The following PHEX variants were observed in gnomAD, a reference collection of about 807,000 sequenced individuals.
PHEX encodes phosphate-regulating neutral endopeptidase PHEX.
In PHEX, 16 loss-of-function variants were observed where a neutral mutation model predicts 68.0. The observed-to-expected ratio is 0.24, with a 90% CI of 0.16 to 0.36. The LOEUF (loss-of-function observed/expected upper bound fraction) is 0.36, where lower values mean the gene tolerates loss of function less well. PHEX is among the 10% of genes least tolerant of loss of function. The pLI, the probability that PHEX is intolerant of heterozygous loss-of-function variation, is 1.00. For synonymous variants in PHEX, 208 were observed against 205.1 expected (o/e 1.01, Z -0.12); for missense variants, 480 against 575.5 (o/e 0.83, Z 1.70).
intron 20 of PHEX, among the ~76,000 whole-genome samples, chrX:22,229,004 A>T: frequency 9.0e-6 from 1 of 111,593 alleles, no homozygotes; most frequent in East Asian, 2.8e-4. Flanking sequence ...TTCTTGTGAT[A>T]GTTTGCTGAG....
chrX:22,247,777 C>G, intron 21 of PHEX, 74 bp from the exon 22 acceptor site: 1 of 732,752 alleles, frequency 1.4e-6, no homozygotes, highest in Non-Finnish European at 2.2e-6. Flanking sequence ...TAGCAATATT[C>G]TGCTACAGTT....
chrX:22,147,910 G>T (rs866514827), intron 12 of PHEX, among the ~76,000 whole-genome samples: 1 of 99,363 alleles, frequency 1.0e-5, no homozygotes, highest in Non-Finnish European at 2.0e-5. Context: ...TTTGTGCTAT[G>T]TTTTTTTTTT....
chrX:22,196,356 C>A lies in PHEX; in HGVS notation c.1645+5854C>A, dbSNP rs150704495. ...TCTAGATGTGTAGACCAGGGATTGGCAAACTATTTCTGTAAATTGCCAGAT... is the reference window on the plus strand; with the variant it reads ...TCTAGATGTGTAGACCAGGGATTGGAAAACTATTTCTGTAAATTGCCAGAT... On this transcript the variant is annotated intron_variant, in intron 15 of 21. Coordinates refer to ENST00000379374, the MANE Select transcript of PHEX (RefSeq NM_000444.6). Among the ~76,000 whole-genome samples, 1,077 of 112,192 alleles carry A rather than the reference C, an allele frequency of 9.6e-3. 11 individuals carry two copies. Among genetic ancestry groups the A allele is most frequent in the African/African-American group, 0.033 (1,023 of 30,885 alleles).
At chrX:22,041,265 CTA>C (rs556410356) in intron 2 of PHEX, among the ~76,000 whole-genome samples, 1,481 of 72,681 alleles carry the variant, frequency 0.02, 49 homozygotes, top group African/African-American at 0.079. Context: ...CTCTCTCTCT[CTA>C]TATATATATA....
intron 2 of PHEX, among the ~76,000 whole-genome samples, chrX:22,043,949 A>G (rs1466644795): frequency 1.8e-5 from 2 of 111,496 alleles, no homozygotes; most frequent in Non-Finnish European, 3.8e-5. Flanking sequence ...ATTTGAAGTC[A>G]CAGTTCCCCT....
intron 20 of PHEX, among the ~76,000 whole-genome samples, chrX:22,240,515 T>C (rs192321924): frequency 3.7e-4 from 41 of 109,428 alleles, no homozygotes; most frequent in Middle Eastern, 4.9e-3. Context: ...GAGACACACA[T>C]AGACTCAAAA....
rs1936446877 is a variant in PHEX, at chrX:22,248,131, A to G, written c.*178A>G. 6 of 446,194 alleles carry G rather than the reference A, an allele frequency of 1.3e-5. No homozygotes were observed. In the East Asian group the frequency reaches 2.3e-4, roughly 17 times the overall value. 36.8% of individuals were successfully genotyped at this position (446,194 alleles called of 1,213,427 possible). A position where few individuals can be genotyped will look rare whatever the true frequency, so the allele number is the denominator to read the frequency against. ...ATCTGTTCAAAGTTGTAGGGCTTATAAAGTGGAATATAAGAATGAACTAAG... is the reference window on the plus strand; with the variant it reads ...ATCTGTTCAAAGTTGTAGGGCTTATGAAGTGGAATATAAGAATGAACTAAG... On this transcript the variant is annotated 3_prime_UTR_variant, in exon 22 of 22. Transcript: ENST00000379374.
intron 20 of PHEX, among the ~76,000 whole-genome samples, chrX:22,231,365 C>T (rs186566647): frequency 3.6e-5 from 4 of 111,740 alleles, no homozygotes; most frequent in African/African-American, 9.8e-5. Context: ...CCTCTTTGTA[C>T]CTCTGGTAGA....
chrX:22,198,176 T>A (rs1464285849), intron 15 of PHEX, among the ~76,000 whole-genome samples: 2 of 104,398 alleles, frequency 1.9e-5, no homozygotes, highest in Non-Finnish European at 3.9e-5. Context: ...AATATATAAG[T>A]ATATATTAAA....
intron 12 of PHEX, among the ~76,000 whole-genome samples, chrX:22,161,646 T>G (rs1311105048): frequency 1.8e-5 from 2 of 111,961 alleles, no homozygotes; most frequent in Admixed American, 1.9e-4. Flanking sequence ...ATGTTACCTG[T>G]GGTAACATGG....
At chrX:22,134,420 A>G (rs184273342) in intron 12 of PHEX, among the ~76,000 whole-genome samples, 1,292 of 111,843 alleles carry the variant, frequency 0.012, 12 homozygotes, top group Non-Finnish European at 0.018. Context: ...GCAAAACCCC[A>G]TCTCTGCTAA....
chrX:22,137,319 TC>T (rs1443028033), intron 12 of PHEX, among the ~76,000 whole-genome samples: 2 of 111,747 alleles, frequency 1.8e-5, no homozygotes, highest in African/African-American at 6.5e-5. Flanking sequence ...TCAGGTCACA[TC>T]CAAAGAAAAA....
At chrX:22,053,690 C>G (rs922524056) in intron 3 of PHEX, among the ~76,000 whole-genome samples, 1 of 111,753 alleles carries the variant, frequency 8.9e-6, no homozygotes, top group African/African-American at 3.3e-5. Flanking sequence ...ACACTTATGT[C>G]ACACAGAAGA....
intron 15 of PHEX, among the ~76,000 whole-genome samples, chrX:22,193,788 C>T (rs1267589110): frequency 8.9e-6 from 1 of 111,970 alleles, no homozygotes; most frequent in Non-Finnish European, 1.9e-5. Context: ...GGTATACATC[C>T]AGGAGTGGAA....
At chrX:22,196,313 G>A (rs971958244) in intron 15 of PHEX, among the ~76,000 whole-genome samples, 2 of 112,430 alleles carry the variant, frequency 1.8e-5, no homozygotes, top group Non-Finnish European at 3.8e-5. Context: ...CTAATAATAG[G>A]TTGCCTCAGG....
rs1164944990 is a variant in PHEX at position 22,075,285 on chromosome X, C to CTTT, written c.350-1084_350-1082dup. On this transcript the variant is annotated intron_variant, in intron 3 of 21. Transcript: ENST00000379374. ...AAAACTAGACAGGAGCTCTGGGTTG[C>CTTT]TTTTTTTTTTTTTTTTTTTTTGAAC... is the stretch of plus-strand genomic sequence containing the variant. 1.1e-3 allele frequency among the ~76,000 whole-genome samples: 69 copies of CTTT among 62,329 alleles called. 2 individuals carry two copies. The highest frequency in any genetic ancestry group is 1.6e-3 in the Non-Finnish European group (52 of 33,119). The allele number at this position is 62,329 out of a possible 115,157, so 54.1% of individuals were successfully genotyped here.
Position 22,221,833 on chromosome X carries a change from C to T in PHEX, c.1899+90C>T, listed in dbSNP as rs148728066. 2,629 of 842,168 alleles carry T rather than the reference C, an allele frequency of 3.1e-3. 8 individuals carry two copies. The highest frequency in any genetic ancestry group is 9.2e-3 in the African/African-American group (461 of 49,943). 69.4% of individuals were successfully genotyped at this position (842,168 alleles called of 1,213,427 possible). A position where few individuals can be genotyped will look rare whatever the true frequency, so the allele number is the denominator to read the frequency against. On this transcript the variant is annotated intron_variant, in intron 18 of 21. Coordinates refer to ENST00000379374, the MANE Select transcript of PHEX (RefSeq NM_000444.6). ...TGCTTTAAACCATTGGTTCTCAAAG[C>T]GTGTTTACAAGATCAACAGCATCTG...
At chrX:22,148,765 AT>A (rs912043177) in intron 12 of PHEX, among the ~76,000 whole-genome samples, 11 of 110,612 alleles carry the variant, frequency 9.9e-5, no homozygotes, top group African/African-American at 3.3e-4. Context: ...CTTACTTAGC[AT>A]TTTTTTTCTA....
At chrX:22,108,548 T>C (rs1000492491) in intron 9 of PHEX, among the ~76,000 whole-genome samples, 4 of 112,006 alleles carry the variant, frequency 3.6e-5, no homozygotes, top group African/African-American at 6.5e-5. Context: ...TTACACTTTA[T>C]TGAGTTCTAT....
Sources: allele counts gnomAD v4.1 joint callset (sites outside exome capture counted in the v4.1 genomes callset), GRCh38; gene constraint gnomAD v4.1.1; transcripts MANE v1.5; gene names NCBI Gene and HGNC (gene_info 2026-07-23, HGNC 2026-07-21).